Variants in PXMP2 observed in about 807,000 individuals in gnomAD.
PXMP2 encodes 22 kDa peroxisomal membrane protein.
A neutral mutation model predicts 20.2 loss-of-function variants in PXMP2; 13 were observed. The ratio of observed to expected loss-of-function variants is 0.64; its 90% CI spans 0.42 to 1.02. The LOEUF (loss-of-function observed/expected upper bound fraction) is 1.02, where lower values mean the gene tolerates loss of function less well. Ranked by LOEUF, PXMP2 falls within the 50% of genes least tolerant of loss-of-function variation. The pLI is 0.00. For synonymous variants in PXMP2, 113 were observed against 111.2 expected (o/e 1.02, Z -0.10); for missense variants, 284 against 251.8 (o/e 1.13, Z -0.87).
chr12:132,693,697 G>T (rs1424513291), intron 2 of PXMP2, among the ~76,000 whole-genome samples: 1 of 132,918 alleles, frequency 7.5e-6, no homozygotes, highest in African/African-American at 2.9e-5. Context: ...GTTAGTTAGT[G>T]AGCTCCCTTA....
Position 132,687,640 on chromosome 12 carries a change from G to T in PXMP2, c.-31G>T. ...GCCCGGCCAGCCTGAGGTGGGGTCGGTGCCCCCGGCGGCACGGCGCTGGGG... is the reference window on the plus strand; with the variant it reads ...GCCCGGCCAGCCTGAGGTGGGGTCGTTGCCCCCGGCGGCACGGCGCTGGGG... On this transcript the variant is annotated 5_prime_UTR_variant, in exon 1 of 5. Transcript: ENST00000317479. The T allele has an allele frequency of 8.6e-7, 1 of 1,156,334 alleles. No homozygotes were observed. The highest frequency in any genetic ancestry group is 1.1e-6 in the Non-Finnish European group (1 of 940,698). 71.6% of individuals were successfully genotyped at this position (1,156,334 alleles called of 1,614,324 possible).
In PXMP2 at chr12:132,696,867, C is replaced by T. The variant is rs181527374; in HGVS notation, c.399+821C>T. On this transcript the variant is annotated intron_variant, in intron 3 of 4. Coordinates refer to ENST00000317479, the MANE Select transcript of PXMP2 (RefSeq NM_018663.3). The surrounding 1 kb of genome is among the most constrained non-coding windows in gnomAD (Gnocchi z 4.4). ...GTGCGTGCTTGTAATCCCAGCTACT[C>T]GGGAGGCTGAGGCAGGAGAATCGCT... 9.3e-5 allele frequency among the ~76,000 whole-genome samples: 14 copies of T among 150,488 alleles called. No individual in the cohort carries two copies. Among genetic ancestry groups the T allele is most frequent in the African/African-American group, 2.7e-4 (11 of 40,860 alleles).
Position 132,701,356 on chromosome 12 carries a change from A to G in PXMP2, c.506A>G (p.Tyr169Cys), listed in dbSNP as rs774060816. The G allele has an allele frequency of 6.2e-7, 1 of 1,612,892 alleles. No homozygotes were observed. Among genetic ancestry groups the G allele is most frequent in the South Asian group, 1.1e-5 (1 of 91,040 alleles). The change falls in exon 4 of 5, where the codon TAC becomes TGC. Residue 169 changes from tyrosine to cysteine, a missense_variant. Physicochemically the swap from Tyr to Cys is radical, Grantham distance 194. Transcript: ENST00000317479. ...WTPLQFININ[Y>C]VPLKFRVLFA... Reference sequence around the variant, plus strand: ...CCACTACAGTTCATCAACATCAACTACGTCCCTCTGAAGGTGAGGGCCACG... The same window carrying G: ...CCACTACAGTTCATCAACATCAACTGCGTCCCTCTGAAGGTGAGGGCCACG...
At chr12:132,703,081 T>A (rs1394481024) in intron 4 of PXMP2, among the ~76,000 whole-genome samples, 1 of 152,204 alleles carries the variant, frequency 6.6e-6, no homozygotes, top group East Asian at 1.9e-4. Flanking sequence ...TGAAGCCAGA[T>A]TGCCTTGAAG....
Position 132,704,856 on chromosome 12 carries a change from T to C in PXMP2, c.*169T>C, listed in dbSNP as rs2043462235. On this transcript the variant is annotated 3_prime_UTR_variant, in exon 5 of 5. Transcript: ENST00000317479. ...CAGAAATCTCTGAATGTCAGAACCCTGTCTTTTAAAAAGGCAGTCGCTGCC... is the reference window on the plus strand; with the variant it reads ...CAGAAATCTCTGAATGTCAGAACCCCGTCTTTTAAAAAGGCAGTCGCTGCC... The C allele has an allele frequency of 9.9e-6, 7 of 708,088 alleles. No individual in the cohort carries two copies. Among genetic ancestry groups the C allele is most frequent in the Non-Finnish European group, 1.7e-5 (7 of 409,896 alleles). 43.9% of individuals were successfully genotyped at this position (708,088 alleles called of 1,614,324 possible).
chr12:132,700,027 CTATTGTTTT>C (rs952940502), intron 3 of PXMP2, among the ~76,000 whole-genome samples: 3 of 148,760 alleles, frequency 2.0e-5, no homozygotes, highest in African/African-American at 7.4e-5. Flanking sequence ...TTGCCAGCAT[CTATTGTTTT>C]TTGACCTTTT....
At chr12:132,690,655 C>G (rs1347740059) in intron 2 of PXMP2, among the ~76,000 whole-genome samples, 1 of 152,092 alleles carries the variant, frequency 6.6e-6, no homozygotes. Context: ...AAGTGATTCT[C>G]CTGCCTCAGC....
rs74727297 is a variant in PXMP2, at chr12:132,695,884, G to T, written c.237G>T (p.Gly79=). 0.099 allele frequency: 158,500 copies of T among 1,603,294 alleles called. 8,538 individuals carry two copies. Among genetic ancestry groups the T allele is most frequent in the East Asian group, 0.11 (4,963 of 44,624 alleles). The change falls in exon 3 of 5, where the codon GGG becomes GGT. Residue 79 remains glycine, a splice_region_variant and synonymous_variant. Transcript: ENST00000317479. ...GGCTCACACCCCCTGGGGGCCTCAGGTTCTTCTTCACAGGGCCGCTGAGTC... is the reference window on the plus strand; with the variant it reads ...GGCTCACACCCCCTGGGGGCCTCAGTTTCTTCTTCACAGGGCCGCTGAGTC... ...VGGPLRYAVY[G]FFFTGPLSHF...
intron 2 of PXMP2, among the ~76,000 whole-genome samples, chr12:132,692,643 T>C (rs1217262117): frequency 5.0e-5 from 6 of 119,372 alleles, no homozygotes; most frequent in Admixed American, 1.7e-4. Flanking sequence ...TGAGCGCCCT[T>C]AGCCAGTTAG....
intron 3 of PXMP2, among the ~76,000 whole-genome samples, chr12:132,700,827 T>C (rs2043435002): frequency 6.6e-6 from 1 of 150,796 alleles, no homozygotes; most frequent in Non-Finnish European, 1.5e-5. Flanking sequence ...AGCTGACATT[T>C]AGAATGAACT....
intron 3 of PXMP2, among the ~76,000 whole-genome samples, chr12:132,697,182 G>A (rs1565992316): frequency 1.3e-5 from 2 of 151,782 alleles, no homozygotes; most frequent in Non-Finnish European, 2.9e-5. Context: ...CTGTTTGGGA[G>A]GCTGAGGTGA....
chr12:132,688,015 T>A, intron 1 of PXMP2: 1 of 297,326 alleles, frequency 3.4e-6, no homozygotes, highest in Non-Finnish European at 5.3e-6. Context: ...TCCCAGCGCG[T>A]GGAGGGCCCG....
chr12:132,702,601 G>T, intron 4 of PXMP2: 1 of 221,118 alleles, frequency 4.5e-6, no homozygotes, highest in South Asian at 4.1e-5. Context: ...TGGTACTCTG[G>T]GCGGGCATCT....
At chr12:132,701,192 G>A (rs200421985) in intron 3 of PXMP2, 58 bp from the exon 4 acceptor site, 146 of 1,605,910 alleles carry the variant, frequency 9.1e-5, no homozygotes, top group Non-Finnish European at 1.1e-4. Context: ...CTGGGTGCCC[G>A]GAATTCAGTT....
In PXMP2 at chr12:132,704,479, G is replaced by A. The variant is rs117214224; in HGVS notation, c.520-140G>A. The A allele has an allele frequency of 3.7e-3, 2,089 of 561,426 alleles. 96 individuals carry two copies. The East Asian group carries it at 0.067, about 18-fold the overall frequency. 34.8% of individuals were successfully genotyped at this position (561,426 alleles called of 1,614,324 possible). On this transcript the variant is annotated intron_variant, in intron 4 of 4. Transcript: ENST00000317479. Reference sequence around the variant, plus strand: ...AGCACAGCGTTTGGTACGAACAAAGGCTCAGTAAATGCAGTAATGGATGGG... The same window carrying A: ...AGCACAGCGTTTGGTACGAACAAAGACTCAGTAAATGCAGTAATGGATGGG...
rs2043311691 is a variant in PXMP2, at chr12:132,687,650, C to A, written c.-21C>A. On this transcript the variant is annotated 5_prime_UTR_variant, in exon 1 of 5. Transcript: ENST00000317479. ...CCTGAGGTGGGGTCGGTGCCCCCGG[C>A]GGCACGGCGCTGGGGAGGCGATGGC... The A allele has an allele frequency of 8.7e-7, 1 of 1,153,386 alleles. No homozygotes were observed. 71.4% of individuals were successfully genotyped at this position (1,153,386 alleles called of 1,614,324 possible).
intron 3 of PXMP2, among the ~76,000 whole-genome samples, chr12:132,698,267 C>T (rs557398767): frequency 6.6e-6 from 1 of 152,314 alleles, no homozygotes; most frequent in Admixed American, 6.5e-5. Flanking sequence ...GCCTCGGTCT[C>T]TCAAAGTGCT....
intron 2 of PXMP2, 75 bp from the exon 3 acceptor site, chr12:132,695,809 T>G (rs2043406654): frequency 6.1e-6 from 9 of 1,466,880 alleles, no homozygotes; most frequent in Non-Finnish European, 8.3e-6. Context: ...GACCTGGGAT[T>G]TGGGGGTGAA....
intron 3 of PXMP2, among the ~76,000 whole-genome samples, chr12:132,698,313 C>T (rs60556993): frequency 0.012 from 1,762 of 152,260 alleles, 38 homozygotes; most frequent in African/African-American, 0.04. Flanking sequence ...CCTGGCGTCA[C>T]CTTCTGTCCT....
Sources: gnomAD v4.1 joint callset for allele counts (sites outside exome capture counted in the v4.1 genomes callset) on GRCh38, gnomAD v4.1.1 for gene constraint, Gnocchi (gnomAD v3.1) non-coding constraint, MANE v1.5 for transcripts, NCBI Gene and HGNC (gene_info 2026-07-23, HGNC 2026-07-21) for gene names.